Variants in PIEZO2 observed in about 807,000 individuals in gnomAD.
PIEZO2 encodes the protein piezo-type mechanosensitive ion channel component 2.
In PIEZO2, 172 loss-of-function variants were observed where a neutral mutation model predicts 337.3. That is an observed-to-expected ratio of 0.51 (90% CI 0.45 to 0.58). PIEZO2 has a LOEUF of 0.58. Ranked by LOEUF, PIEZO2 falls within the 20% of genes least tolerant of loss-of-function variation. The pLI, the probability that PIEZO2 is intolerant of heterozygous loss-of-function variation, is 0.00. For missense variants in PIEZO2, 3,028 were observed against 3,391.3 expected, an observed-to-expected ratio of 0.89 and a Z score of 2.66; for synonymous variants, 1,251 against 1,228.5, an observed-to-expected ratio of 1.02 and a Z score of -0.38.
chr18:10,993,434 T>C lies in PIEZO2; in HGVS notation c.161-13774A>G, dbSNP rs1216641352. ...TTTAGCATGAAGGGGTGTTGAATTT[T>C]GTTGAAAGCCTTTTCTGCATCTATT... On this transcript the variant is annotated intron_variant, in intron 2 of 55. Transcript: ENST00000674853. This position sits in a 1 kb window ranked among gnomAD's most constrained non-coding sequence, Gnocchi z 5.0. Among the ~76,000 whole-genome samples, 1 of 152,228 alleles carries C rather than the reference T, an allele frequency of 6.6e-6. No individual in the cohort carries two copies. The highest frequency in any genetic ancestry group is 2.4e-5 in the African/African-American group (1 of 41,456).
rs2039512604 is a variant in PIEZO2 at position 10,794,584 on chromosome 18, T to C, written c.1758+188A>G. On this transcript the variant is annotated intron_variant, in intron 13 of 55. Transcript: ENST00000674853. This position sits in a 1 kb window ranked among gnomAD's most constrained non-coding sequence, Gnocchi z 6.6. ...GTAAAAGCTAAATCATGGTGTAATA[T>C]ATGTTCATGTTTAAATTATAGAGGC... Among the ~76,000 whole-genome samples, 1 of 152,226 alleles carries C rather than the reference T, an allele frequency of 6.6e-6. No homozygotes were observed. Among genetic ancestry groups the C allele is most frequent in the African/African-American group, 2.4e-5 (1 of 41,464 alleles).
chr18:10,960,278 A>C (rs2033708218), intron 3 of PIEZO2, among the ~76,000 whole-genome samples: 1 of 152,218 alleles, frequency 6.6e-6, no homozygotes, highest in Non-Finnish European at 1.5e-5. Context: ...GGCTAGCTTT[A>C]GTATAGCAGG....
chr18:10,901,064 T>G (rs1390035038), intron 4 of PIEZO2, among the ~76,000 whole-genome samples: 1 of 152,236 alleles, frequency 6.6e-6, no homozygotes, highest in African/African-American at 2.4e-5. Flanking sequence ...TATTTTAGTA[T>G]GTTCACACTA....
intron 12 of PIEZO2, among the ~76,000 whole-genome samples, chr18:10,796,227 G>A (rs958146418): frequency 1.3e-5 from 2 of 151,864 alleles, no homozygotes; most frequent in African/African-American, 2.4e-5. Context: ...AAAATTAGCC[G>A]GGCGTGGTGG....
rs2038010506 is a variant in PIEZO2 at position 10,759,092 on chromosome 18, C to T, written c.3757+390G>A. Among the ~76,000 whole-genome samples, 1 of 152,138 alleles carries T rather than the reference C, an allele frequency of 6.6e-6. No homozygotes were observed. The highest frequency in any genetic ancestry group is 2.4e-5 in the African/African-American group (1 of 41,448). The stretch of plus-strand genomic sequence containing the variant: ...AATCTGGGAAGCATCTCCCAGCATC[C>T]ACTGTCCCATGTTCAGGGTTTATTT... On this transcript the variant is annotated intron_variant, in intron 26 of 55. Coordinates refer to ENST00000674853, the MANE Select transcript of PIEZO2 (RefSeq NM_001378183.1). The surrounding 1 kb of genome is among the most constrained non-coding windows in gnomAD (Gnocchi z 5.5).
At chr18:10,963,886 T>C (rs1031492991) in intron 3 of PIEZO2, among the ~76,000 whole-genome samples, 5 of 152,080 alleles carry the variant, frequency 3.3e-5, no homozygotes, top group Non-Finnish European at 7.4e-5. Flanking sequence ...CTTTTCCAAA[T>C]AGAACCTCAA....
At chr18:10,694,915 C>T (rs2035017208) in intron 47 of PIEZO2, among the ~76,000 whole-genome samples, 1 of 152,186 alleles carries the variant, frequency 6.6e-6, no homozygotes, top group African/African-American at 2.4e-5. Flanking sequence ...AGGAGGCTTT[C>T]AGAGCCACAG....
At chr18:11,000,320 C>T (rs781113065) in intron 2 of PIEZO2, among the ~76,000 whole-genome samples, 7 of 152,170 alleles carry the variant, frequency 4.6e-5, no homozygotes, top group African/African-American at 1.2e-4. Flanking sequence ...TGGCATATTA[C>T]GGAGCCAAAA....
intron 42 of PIEZO2, among the ~76,000 whole-genome samples, chr18:10,703,977 C>G (rs565113249): frequency 6.6e-6 from 1 of 152,252 alleles, no homozygotes; most frequent in Admixed American, 6.5e-5. Context: ...TCACTGAACC[C>G]CCGGTGGCGC....
chr18:10,806,340 G>C (rs1416590729), intron 8 of PIEZO2, among the ~76,000 whole-genome samples: 1 of 152,022 alleles, frequency 6.6e-6, no homozygotes, highest in African/African-American at 2.4e-5. Context: ...CTTGCAACCG[G>C]GCTCCTGACA....
At position 11,086,337 on chromosome 18, in the gene PIEZO2, G is replaced by A. The variant is rs573112447; in HGVS notation, c.65-20115C>T. 9.9e-5 allele frequency among the ~76,000 whole-genome samples: 15 copies of A among 152,110 alleles called. No individual in the cohort carries two copies. In the East Asian group the frequency reaches 2.5e-3, roughly 26 times the overall value. ...AGATCGAGACCATCCTGGCTAACAC[G>A]GTGAAACCCCGTCTCGACTAAAAAT... On this transcript the variant is annotated intron_variant, in intron 1 of 55. Coordinates refer to ENST00000674853, the MANE Select transcript of PIEZO2 (RefSeq NM_001378183.1).
rs966073761 is a variant in PIEZO2, at chr18:10,993,848, T to C, written c.161-14188A>G. On this transcript the variant is annotated intron_variant, in intron 2 of 55. Transcript: ENST00000674853. This position sits in a 1 kb window ranked among gnomAD's most constrained non-coding sequence, Gnocchi z 5.0. ...GGCCATGTCTCTGCTTTTTTTTTAT[T>C]ATTAATTTTAAAATTTTTCATTTCC... Among the ~76,000 whole-genome samples the C allele has an allele frequency of 6.6e-6, 1 of 152,088 alleles. No homozygotes were observed. The highest frequency in any genetic ancestry group is 1.5e-5 in the Non-Finnish European group (1 of 67,998).
chr18:10,937,730 A>C (rs1568217663), intron 3 of PIEZO2, among the ~76,000 whole-genome samples: 1 of 152,192 alleles, frequency 6.6e-6, no homozygotes, highest in Non-Finnish European at 1.5e-5. Context: ...CTAATCCTCC[A>C]GTGCCACTTC....
At chr18:11,119,877 A>G (rs2039985618) in intron 1 of PIEZO2, among the ~76,000 whole-genome samples, 1 of 152,252 alleles carries the variant, frequency 6.6e-6, no homozygotes, top group African/African-American at 2.4e-5. Context: ...GAATATGAGA[A>G]CAATGAAAAA....
intron 44 of PIEZO2, among the ~76,000 whole-genome samples, chr18:10,698,530 C>T (rs189204389): frequency 2.4e-4 from 36 of 152,318 alleles, no homozygotes; most frequent in Admixed American, 9.2e-4. Context: ...CATAGTTTGG[C>T]TAAAAGTTCT....
At chr18:10,804,177 G>A (rs1291707929) in intron 8 of PIEZO2, among the ~76,000 whole-genome samples, 183 bp from the exon 9 acceptor site, 2 of 152,242 alleles carry the variant, frequency 1.3e-5, no homozygotes, top group African/African-American at 4.8e-5. Flanking sequence ...GTAATTGTAA[G>A]TACACCAGTA....
rs2040467455 is a variant in PIEZO2, at chr18:11,135,812, T to A, written c.64+12713A>T. ...CCGCCCACCTAGGCCTGCAAAGGTA[T>A]TTTAAAAAGAGTTTGTTTGACTGGG... On this transcript the variant is annotated intron_variant, in intron 1 of 55. Transcript: ENST00000674853. Among the ~76,000 whole-genome samples, 2 of 152,224 alleles carry A rather than the reference T, an allele frequency of 1.3e-5. 1 individual carries two copies. The highest frequency in any genetic ancestry group is 4.1e-4 in the South Asian group (2 of 4,834).
intron 1 of PIEZO2, among the ~76,000 whole-genome samples, chr18:11,133,876 A>C (rs985930163): frequency 2.0e-5 from 3 of 151,958 alleles, no homozygotes; most frequent in Non-Finnish European, 2.9e-5. Context: ...CTCTCTCTAT[A>C]TATATATACA....
chr18:10,906,155 T>C (rs928506210), intron 4 of PIEZO2, among the ~76,000 whole-genome samples: 3 of 152,218 alleles, frequency 2.0e-5, no homozygotes, highest in Admixed American at 1.3e-4. Flanking sequence ...GGGATATTTG[T>C]TATCTCATTG....
Sources: gnomAD v4.1 joint callset for allele counts (sites outside exome capture counted in the v4.1 genomes callset) on GRCh38, gnomAD v4.1.1 for gene constraint, Gnocchi (gnomAD v3.1) non-coding constraint, MANE v1.5 for transcripts, NCBI Gene and HGNC (gene_info 2026-07-23, HGNC 2026-07-21) for gene names.